SKOR1: variants seen among roughly 807,000 people sequenced by gnomAD.
SKOR1 encodes LBX1 corepressor 1.
Under a neutral mutation model 72.4 loss-of-function variants are expected in SKOR1, and 38 were observed. The ratio of observed to expected loss-of-function variants is 0.52; its 90% CI spans 0.40 to 0.69. SKOR1 has a LOEUF of 0.69. SKOR1 is among the 30% of genes least tolerant of loss of function. The pLI is 0.00. For missense variants in SKOR1, 1,320 were observed against 1,343.2 expected, an observed-to-expected ratio of 0.98 and a Z score of 0.27; for synonymous variants, 642 against 599.4, an observed-to-expected ratio of 1.07 and a Z score of -1.04.
Position 67,826,108 on chromosome 15 carries a change from G to C in SKOR1, c.280G>C (p.Gly94Arg). The change falls in exon 2 of 9, where the codon GGC (glycine) becomes CGC (arginine). Residue 94 changes from glycine (G) to arginine (R), a missense_variant. Coordinates refer to ENST00000380035, the MANE Select transcript of SKOR1 (RefSeq NM_001365915.1). ...GVPIVSLVID[G>R]QERLCLAQIS... ...GCCCATTGTGTCGCTGGTCATCGAC[G>C]GCCAGGAGCGCCTATGCCTGGCGCA... 3 of 1,599,734 alleles carry C rather than the reference G, an allele frequency of 1.9e-6. No homozygotes were observed. Among genetic ancestry groups the C allele is most frequent in the Non-Finnish European group, 1.7e-6 (2 of 1,170,228 alleles).
rs1445055209 is a variant in SKOR1 at position 67,826,812 on chromosome 15, T to C, written c.984T>C (p.Cys328=). Residue 328 remains cysteine, a synonymous_variant, in exon 2 of 9, where the codon TGT becomes TGC. Transcript: ENST00000380035. The part of the protein sequence containing the change: ...PGPPPHKSLR[C]GEDEAAGPPG... ...CGCCGCCCCACAAAAGCCTGCGCTG[T>C]GGCGAAGATGAGGCTGCCGGGCCTC... 1.3e-6 allele frequency: 2 copies of C among 1,528,880 alleles called. No homozygotes were observed. Among genetic ancestry groups the C allele is most frequent in the Non-Finnish European group, 1.8e-6 (2 of 1,140,976 alleles). The allele number at this position is 1,528,880 out of a possible 1,614,324, so 94.7% of individuals were successfully genotyped here.
Position 67,832,362 on chromosome 15 carries a change from T to C in SKOR1, c.2662+14T>C, listed in dbSNP as rs748464194. On this transcript the variant is annotated intron_variant, in intron 6 of 8. Coordinates refer to ENST00000380035, the MANE Select transcript of SKOR1 (RefSeq NM_001365915.1). This position sits in a 1 kb window ranked among gnomAD's most constrained non-coding sequence, Gnocchi z 4.5. ...AGAGTCTCAAAGGTACCCACTGCCA[T>C]CCTGCCTCACCCCACCTCATCACCG... The C allele has an allele frequency of 4.3e-5, 70 of 1,613,576 alleles. 1 individual carries two copies. The highest frequency in any genetic ancestry group is 5.6e-5 in the Non-Finnish European group (66 of 1,179,694).
chr15:67,833,720 AC>A lies in SKOR1; in HGVS notation c.2804-19del. On this transcript the variant is annotated intron_variant, in intron 8 of 8. Coordinates refer to ENST00000380035, the MANE Select transcript of SKOR1 (RefSeq NM_001365915.1). The surrounding 1 kb of genome is among the most constrained non-coding windows in gnomAD (Gnocchi z 6.0). ...TGAGCCTGGAGAGGCGCCCAGAGTGACCCTCGCGACTGTCTCCCCAGAAGCC... is the reference window on the plus strand; with the variant it reads ...TGAGCCTGGAGAGGCGCCCAGAGTGACCTCGCGACTGTCTCCCCAGAAGCC... 1 of 1,610,966 alleles carries A rather than the reference AC, an allele frequency of 6.2e-7. No homozygotes were observed. Among genetic ancestry groups the A allele is most frequent in the Non-Finnish European group, 8.5e-7 (1 of 1,178,286 alleles).
At position 67,827,704 on chromosome 15, in the gene SKOR1, CCCGGCGCTGGGAG is replaced by C. The variant is rs2090974653; in HGVS notation, c.1878_1890del (p.Gly627AlafsTer4). ...CGCGGGGCCTGCTCGGGGGCCGGGA[CCCGGCGCTGGGAG>C]CGGCGGCTACGTGAGCCCGGACTTT... On this transcript the variant is annotated frameshift_variant, in exon 2 of 9. Transcript: ENST00000380035. LOFTEE classifies it high-confidence loss of function. The C allele has an allele frequency of 6.5e-7, 1 of 1,539,644 alleles. No individual in the cohort carries two copies. Among genetic ancestry groups the C allele is most frequent in the Admixed American group, 2.0e-5 (1 of 50,500 alleles).
intron 2 of SKOR1, among the ~76,000 whole-genome samples, 172 bp downstream of exon 2, chr15:67,828,316 C>G (rs542355123): frequency 3.3e-5 from 5 of 152,316 alleles, no homozygotes; most frequent in Admixed American, 1.3e-4. Flanking sequence ...TGGGCCCACC[C>G]GCACCCTCCA....
rs2091012686 is a variant in SKOR1 at position 67,832,059 on chromosome 15, C to T, written c.2588-215C>T. On this transcript the variant is annotated intron_variant, in intron 5 of 8. Transcript: ENST00000380035. This position sits in a 1 kb window ranked among gnomAD's most constrained non-coding sequence, Gnocchi z 4.5. Reference sequence around the variant, plus strand: ...CCTGGAGCCAGGGCCTAGATTCCACCGTCCTGAATTTATTCTCCTGGGCAT... The same window carrying T: ...CCTGGAGCCAGGGCCTAGATTCCACTGTCCTGAATTTATTCTCCTGGGCAT... 6.6e-6 allele frequency among the ~76,000 whole-genome samples: 1 copy of T among 152,060 alleles called. No homozygotes were observed. The highest frequency in any genetic ancestry group is 2.4e-5 in the African/African-American group (1 of 41,362).
intron 2 of SKOR1, among the ~76,000 whole-genome samples, chr15:67,828,865 G>A (rs2090986278): frequency 6.6e-6 from 1 of 152,240 alleles, no homozygotes. Context: ...CATTTATGCC[G>A]CGGACGGGGC....
chr15:67,828,594 G>A (rs1297677816), intron 2 of SKOR1, among the ~76,000 whole-genome samples: 3 of 152,162 alleles, frequency 2.0e-5, no homozygotes, highest in Non-Finnish European at 4.4e-5. Flanking sequence ...GCAGTACCGG[G>A]TCCCCGGAAT....
At chr15:67,828,245 G>T (rs1566976331) in intron 2 of SKOR1, 101 bp downstream of exon 2, 1 of 1,354,726 alleles carries the variant, frequency 7.4e-7, no homozygotes, top group Non-Finnish European at 9.4e-7. Context: ...TTCCGCGCAG[G>T]CGTGGGAGCA....
In SKOR1 at chr15:67,827,379, G is replaced by C; in HGVS notation, c.1551G>C (p.Val517=). 1 of 1,559,782 alleles carries C rather than the reference G, an allele frequency of 6.4e-7. No homozygotes were observed. Among genetic ancestry groups the C allele is most frequent in the Non-Finnish European group, 8.6e-7 (1 of 1,162,418 alleles). ...QSQAKAVAAA[V]AAAAAAAAAA... Reference sequence around the variant, plus strand: ...AAGCCAAGGCCGTGGCGGCAGCCGTGGCGGCGGCAGCGGCGGCGGCAGCGG... The same window carrying C: ...AAGCCAAGGCCGTGGCGGCAGCCGTCGCGGCGGCAGCGGCGGCGGCAGCGG... Residue 517 remains valine, a synonymous_variant, in exon 2 of 9, where the codon GTG becomes GTC. Coordinates refer to ENST00000380035, the MANE Select transcript of SKOR1 (RefSeq NM_001365915.1).
Position 67,827,838 on chromosome 15 carries a change from C to A in SKOR1, c.2010C>A (p.Asp670Glu), listed in dbSNP as rs899623859. 6.3e-7 allele frequency: 1 copy of A among 1,596,360 alleles called. No homozygotes were observed. Among genetic ancestry groups the A allele is most frequent in the Non-Finnish European group, 8.5e-7 (1 of 1,172,272 alleles). The change falls in exon 2 of 9, where the codon GAC (aspartate) becomes GAA (glutamate). Residue 670 changes from aspartate (D) to glutamate (E), a missense_variant. Asp to Glu is a conservative substitution (Grantham distance 45). Coordinates refer to ENST00000380035, the MANE Select transcript of SKOR1 (RefSeq NM_001365915.1). ...EVDVESNRFP[D>E]DEDAQEETEP... is the part of the protein sequence containing the mutation. ...ACGTGGAATCCAACCGCTTCCCCGA[C>A]GACGAGGACGCCCAAGAGGAGACCG...
Position 67,832,983 on chromosome 15 carries a change from G to T in SKOR1, c.2738-209G>T. 1.6e-6 allele frequency: 1 copy of T among 608,948 alleles called. No homozygotes were observed. Among genetic ancestry groups the T allele is most frequent in the Non-Finnish European group, 2.9e-6 (1 of 346,064 alleles). The allele number at this position is 608,948 out of a possible 1,614,324, so 37.7% of individuals were successfully genotyped here. On this transcript the variant is annotated intron_variant, in intron 7 of 8. Transcript: ENST00000380035. This position sits in a 1 kb window ranked among gnomAD's most constrained non-coding sequence, Gnocchi z 4.5. ...TAATGCCTAAGTTTGCTTTAATTTTGGTTAGATCCATCTGCCTTTAAGCGC... is the reference window on the plus strand; with the variant it reads ...TAATGCCTAAGTTTGCTTTAATTTTTGTTAGATCCATCTGCCTTTAAGCGC...
Position 67,825,979 on chromosome 15 carries a change from C to T in SKOR1, c.151C>T (p.Arg51Cys). The change falls in exon 2 of 9, where the codon CGC becomes TGC. Residue 51 changes from arginine to cysteine, a missense_variant. Physicochemically the swap from Arg to Cys is radical, Grantham distance 180 (BLOSUM62 -3). Transcript: ENST00000380035. The surrounding 1 kb of genome is among the most constrained non-coding windows in gnomAD (Gnocchi z 5.6). ...TCTCACCACTCAGCTGGGGCCGGGG[C>T]GCGAGGGCAGTTCCTCGCCCAACTC... ...EALTTQLGPG[R>C]EGSSSPNSKQ... 2 of 1,527,362 alleles carry T rather than the reference C, an allele frequency of 1.3e-6. No homozygotes were observed. Among genetic ancestry groups the T allele is most frequent in the Non-Finnish European group, 1.8e-6 (2 of 1,137,912 alleles). The allele number at this position is 1,527,362 out of a possible 1,614,324, so 94.6% of individuals were successfully genotyped here. A position where few individuals can be genotyped will look rare whatever the true frequency, so the allele number is the denominator to read the frequency against.
rs1208213846 is a variant in SKOR1, at chr15:67,827,092, G to T, written c.1264G>T (p.Gly422Cys). 5 of 1,503,876 alleles carry T rather than the reference G, an allele frequency of 3.3e-6. No individual in the cohort carries two copies. The highest frequency in any genetic ancestry group is 2.1e-5 in the Admixed American group (1 of 46,896). 93.2% of individuals were successfully genotyped at this position (1,503,876 alleles called of 1,614,324 possible). A position where few individuals can be genotyped will look rare whatever the true frequency, so the allele number is the denominator to read the frequency against. Residue 422 changes from glycine to cysteine, a missense_variant, in exon 2 of 9, where the codon GGT becomes TGT. This residue lies in a region of SKOR1 where 1,099 missense variants were observed against 1,025.5 expected (regional missense o/e 1.07). Transcript: ENST00000380035. ...PVLGAGEPKGGPGTGSGGGGA... is the reference protein window; with the variant it reads ...PVLGAGEPKGCPGTGSGGGGA... ...TTTAGGCGCGGGCGAGCCAAAGGGC[G>T]GTCCTGGCACTGGGAGCGGCGGCGG...
chr15:67,827,558 C>G lies in SKOR1; in HGVS notation c.1730C>G (p.Pro577Arg). 2 of 1,520,464 alleles carry G rather than the reference C, an allele frequency of 1.3e-6. No homozygotes were observed. Among genetic ancestry groups the G allele is most frequent in the South Asian group, 1.2e-5 (1 of 82,326 alleles). The allele number at this position is 1,520,464 out of a possible 1,614,324, so 94.2% of individuals were successfully genotyped here. ...TDEALPPPLA[P>R]LPPPPPPPAR... ...GAGGCGCTGCCACCGCCCCTGGCCC[C>G]GTTGCCCCCGCCGCCCCCGCCGCCC... The change falls in exon 2 of 9, where the codon CCG becomes CGG. Residue 577 changes from proline (P) to arginine (R), a missense_variant. Physicochemically the swap from Pro to Arg is moderately radical, Grantham distance 103 (BLOSUM62 -2). Coordinates refer to ENST00000380035, the MANE Select transcript of SKOR1 (RefSeq NM_001365915.1).
At position 67,832,219 on chromosome 15, in the gene SKOR1, T is replaced by C; in HGVS notation, c.2588-55T>C. On this transcript the variant is annotated intron_variant, in intron 5 of 8. Coordinates refer to ENST00000380035, the MANE Select transcript of SKOR1 (RefSeq NM_001365915.1). This position sits in a 1 kb window ranked among gnomAD's most constrained non-coding sequence, Gnocchi z 4.5. ...TTGTTGGCCAAGGCAGAACCTGAGC[T>C]CCAAATAACCCTGCTTTACCTCCCA... The C allele has an allele frequency of 6.4e-7, 1 of 1,563,014 alleles. No homozygotes were observed. Among genetic ancestry groups the C allele is most frequent in the Non-Finnish European group, 8.8e-7 (1 of 1,134,780 alleles).
intron 2 of SKOR1, among the ~76,000 whole-genome samples, chr15:67,828,736 C>T (rs1429326311): frequency 1.3e-5 from 2 of 152,266 alleles, no homozygotes; most frequent in East Asian, 3.9e-4. Flanking sequence ...CTGGCAGGGC[C>T]GGGGCTTGAG....
Position 67,834,006 on chromosome 15 carries a change from C to A in SKOR1, c.*170C>A. 1.4e-6 allele frequency: 1 copy of A among 722,956 alleles called. No individual in the cohort carries two copies. Among genetic ancestry groups the A allele is most frequent in the Non-Finnish European group, 2.4e-6 (1 of 420,712 alleles). The allele number at this position is 722,956 out of a possible 1,614,324, so 44.8% of individuals were successfully genotyped here. A position where few individuals can be genotyped will look rare whatever the true frequency, so the allele number is the denominator to read the frequency against. ...CTCCCCGGCCTTGCCCGCCCCCTCC[C>A]GGGCGTCCCTGTCCAGGGCCCCGGC... On this transcript the variant is annotated 3_prime_UTR_variant, in exon 9 of 9. Coordinates refer to ENST00000380035, the MANE Select transcript of SKOR1 (RefSeq NM_001365915.1). This position sits in a 1 kb window ranked among gnomAD's most constrained non-coding sequence, Gnocchi z 5.8.
chr15:67,833,114 G>T lies in SKOR1; in HGVS notation c.2738-78G>T. On this transcript the variant is annotated intron_variant, in intron 7 of 8. Transcript: ENST00000380035. This position sits in a 1 kb window ranked among gnomAD's most constrained non-coding sequence, Gnocchi z 6.0. ...GCGCGGAGCTTAGCCCTGGGGAGAG[G>T]AGGAAGCCCGGGCTGTGACCCCGGC... 1 of 1,499,058 alleles carries T rather than the reference G, an allele frequency of 6.7e-7. No homozygotes were observed. 92.9% of individuals were successfully genotyped at this position (1,499,058 alleles called of 1,614,324 possible). A position where few individuals can be genotyped will look rare whatever the true frequency, so the allele number is the denominator to read the frequency against.
Sources: gnomAD v4.1 joint callset for allele counts (sites outside exome capture counted in the v4.1 genomes callset) on GRCh38, gnomAD v4.1.1 for gene constraint, gnomAD v4.1.1 regional missense constraint, Gnocchi (gnomAD v3.1) non-coding constraint, MANE v1.5 for transcripts, NCBI Gene and HGNC (gene_info 2026-07-23, HGNC 2026-07-21) for gene names.